Variants in RHBDD1 observed in about 807,000 individuals in gnomAD.
The protein encoded by RHBDD1 is rhomboid domain containing 1.
Under a neutral mutation model 36.3 loss-of-function variants are expected in RHBDD1, and 38 were observed. The observed-to-expected ratio is 1.05, with a 90% CI of 0.81 to 1.37. The LOEUF is 1.37. Among genes scored for constraint, RHBDD1 ranks in the 40% most tolerant of loss-of-function variants. The probability of loss-of-function intolerance (pLI) is 0.00; values close to 1 mark genes in which losing one functional copy is unlikely to be tolerated. For missense variants in RHBDD1, 393 were observed against 377.6 expected (o/e 1.04, Z -0.34); for synonymous variants, 151 against 136.5 (o/e 1.11, Z -0.74).
the RHBDD1 span, among the ~76,000 whole-genome samples, chr2:226,816,886 G>A: frequency 2.9e-5 from 4 of 139,466 alleles, no homozygotes; most frequent in African/African-American, 4.9e-5. Flanking sequence ...AGCGCAAGAC[G>A]CCATCTCAAA....
intron 5 of RHBDD1, among the ~76,000 whole-genome samples, chr2:226,897,226 A>G (rs971261441): frequency 6.6e-5 from 10 of 152,136 alleles, no homozygotes; most frequent in Non-Finnish European, 1.0e-4. Flanking sequence ...TGCCACTTAA[A>G]TGACACCTCC....
chr2:226,833,151 A>C (rs1435042864), upstream of RHBDD1, among the ~76,000 whole-genome samples: 1 of 152,330 alleles, frequency 6.6e-6, no homozygotes, highest in African/African-American at 2.4e-5. Flanking sequence ...TACAGTTCTT[A>C]AATTGAGATT....
intron 8 of RHBDD1, among the ~76,000 whole-genome samples, chr2:226,978,460 G>C (rs528611768): frequency 3.1e-4 from 47 of 152,250 alleles, no homozygotes; most frequent in Admixed American, 1.2e-3. Flanking sequence ...TGGACATATG[G>C]ACCATACCGT....
chr2:226,816,657 G>C, the RHBDD1 span, among the ~76,000 whole-genome samples: 2 of 152,116 alleles, frequency 1.3e-5, no homozygotes, highest in African/African-American at 4.8e-5. Flanking sequence ...GCACTTTGGC[G>C]GGCCAAGGTG....
At chr2:226,844,913 T>C (rs905099821) in intron 3 of RHBDD1, among the ~76,000 whole-genome samples, 7 of 152,214 alleles carry the variant, frequency 4.6e-5, no homozygotes, top group Non-Finnish European at 1.0e-4. Context: ...GGTAATTTCA[T>C]TTTTTAGCCA....
rs761040623 is a variant in RHBDD1 at position 226,864,819 on chromosome 2, C to T, written c.126C>T (p.Phe42=). Residue 42 remains phenylalanine, a synonymous_variant, in exon 4 of 9, where the codon TTC becomes TTT. Coordinates refer to ENST00000392062, the MANE Select transcript of RHBDD1 (RefSeq NM_001167608.3). Reference sequence around the variant, plus strand: ...CTTTGGCCCTCAACATCTGGTTCTTCTTGAACCCTCAGAAGCCACTGTATA... The same window carrying T: ...CTTTGGCCCTCAACATCTGGTTCTTTTTGAACCCTCAGAAGCCACTGTATA... ...LATLALNIWF[F]LNPQKPLYSS... is the part of the protein sequence containing the mutation. 6.8e-6 allele frequency: 11 copies of T among 1,614,082 alleles called. No individual in the cohort carries two copies. The East Asian group carries it at 2.4e-4, about 36-fold the overall frequency.
At chr2:226,902,032 T>C (rs1338501752) in intron 5 of RHBDD1, among the ~76,000 whole-genome samples, 1 of 152,136 alleles carries the variant, frequency 6.6e-6, no homozygotes, top group African/African-American at 2.4e-5. Flanking sequence ...CCAGAAGGAA[T>C]TACTCTGAAT....
intron 1 of RHBDD1, chr2:226,837,556 G>A (rs1172507538): frequency 6.6e-6 from 1 of 152,068 alleles, no homozygotes; most frequent in Non-Finnish European, 1.5e-5. Context: ...AGCTTTGTTT[G>A]GAGACAGTCT....
At chr2:226,859,635 C>T (rs1385155051) in intron 3 of RHBDD1, among the ~76,000 whole-genome samples, 3 of 152,156 alleles carry the variant, frequency 2.0e-5, no homozygotes, top group South Asian at 2.1e-4. Flanking sequence ...GTTATTCTTG[C>T]CCTTGGCCAT....
chr2:226,862,797 G>T (rs1368222216), intron 3 of RHBDD1, among the ~76,000 whole-genome samples: 1 of 152,232 alleles, frequency 6.6e-6, no homozygotes, highest in Non-Finnish European at 1.5e-5. Flanking sequence ...TGAGCATCTG[G>T]TGGGGGCCTC....
chr2:226,942,307 C>T (rs563357041), intron 8 of RHBDD1, among the ~76,000 whole-genome samples: 97 of 150,374 alleles, frequency 6.5e-4, no homozygotes, highest in Non-Finnish European at 1.3e-3. Context: ...GGCATGATCT[C>T]GGCTCACTGC....
intron 5 of RHBDD1, among the ~76,000 whole-genome samples, chr2:226,904,226 A>G (rs998843462): frequency 2.0e-5 from 3 of 152,164 alleles, no homozygotes; most frequent in Non-Finnish European, 2.9e-5. Context: ...AGCGCACTGT[A>G]ACACACACCC....
rs571518183 is a variant in RHBDD1 at position 226,860,111 on chromosome 2, A to G, written c.-90-4493A>G. On this transcript the variant is annotated intron_variant, in intron 3 of 8. Transcript: ENST00000392062. ...CAAAAGACATGTCAAGGATCTTTCT[A>G]TGTCTTTGGCTTGAACAACTGGATA... Among the ~76,000 whole-genome samples the G allele has an allele frequency of 1.1e-4, 16 of 152,280 alleles. No homozygotes were observed. The South Asian group carries it at 2.7e-3, about 26-fold the overall frequency.
intron 8 of RHBDD1, among the ~76,000 whole-genome samples, chr2:226,941,502 C>T (rs1950665005): frequency 2.6e-5 from 4 of 152,148 alleles, no homozygotes; most frequent in South Asian, 2.1e-4. Context: ...CTGTGATGAG[C>T]GTGCAGTTCG....
intron 5 of RHBDD1, chr2:226,895,520 A>G: frequency 4.4e-6 from 1 of 225,640 alleles, no homozygotes; most frequent in Non-Finnish European, 7.4e-6. Flanking sequence ...TCTGAGGAAA[A>G]GAACACTAAC....
At chr2:226,851,948 C>T (rs769387469) in intron 3 of RHBDD1, among the ~76,000 whole-genome samples, 2 of 152,136 alleles carry the variant, frequency 1.3e-5, no homozygotes, top group Non-Finnish European at 2.9e-5. Flanking sequence ...GCTTGTTTTA[C>T]CTTTTAGTTC....
At chr2:226,837,359 G>C (rs1941092255) in intron 1 of RHBDD1, among the ~76,000 whole-genome samples, 1 of 152,214 alleles carries the variant, frequency 6.6e-6, no homozygotes, top group African/African-American at 2.4e-5. Context: ...TGGGACTGCT[G>C]CTTAGAGGGT....
chr2:226,845,722 AG>A (rs1419483611), intron 3 of RHBDD1, among the ~76,000 whole-genome samples: 1 of 152,242 alleles, frequency 6.6e-6, no homozygotes, highest in Non-Finnish European at 1.5e-5. Context: ...GTCTTAGAGC[AG>A]CCTGACAGCC....
At chr2:226,851,520 G>A (rs976050831) in intron 3 of RHBDD1, among the ~76,000 whole-genome samples, 6 of 151,962 alleles carry the variant, frequency 3.9e-5, no homozygotes, top group African/African-American at 1.5e-4. Context: ...AGGTGGAAGC[G>A]TCACCTCTCT....
Sources: allele counts gnomAD v4.1 joint callset (sites outside exome capture counted in the v4.1 genomes callset), GRCh38; gene constraint gnomAD v4.1.1; transcripts MANE v1.5; gene names NCBI Gene and HGNC (gene_info 2026-07-23, HGNC 2026-07-21).